Variants in KCNIP4 observed in about 807,000 individuals in gnomAD.
KCNIP4 encodes the protein Kv channel-interacting protein 4.
In KCNIP4, 12 loss-of-function variants were observed where a neutral mutation model predicts 34.0. The ratio of observed to expected loss-of-function variants is 0.35; its 90% confidence interval spans 0.23 to 0.57. KCNIP4 has a LOEUF of 0.57. KCNIP4 is among the 20% of genes least tolerant of loss of function. KCNIP4 has a pLI of 0.83. For synonymous variants in KCNIP4, 124 were observed against 102.2 expected (o/e 1.21, Z -1.29); for missense variants, 238 against 311.7 (o/e 0.76, Z 1.78).
intron 1 of KCNIP4, among the ~76,000 whole-genome samples, chr4:21,693,186 A>G (rs1711876466): frequency 2.6e-5 from 1 of 37,958 alleles, no homozygotes; most frequent in South Asian, 5.3e-4. Flanking sequence ...CAGGGAAGAA[A>G]AAAATGCTGG....
intron 1 of KCNIP4, among the ~76,000 whole-genome samples, chr4:21,683,779 C>T (rs1398534741): frequency 6.6e-6 from 1 of 152,056 alleles, no homozygotes; most frequent in South Asian, 2.1e-4. Flanking sequence ...AAGATCATGT[C>T]GTTTGTGGGA....
intron 1 of KCNIP4, among the ~76,000 whole-genome samples, chr4:21,939,027 A>G (rs1410352893): frequency 6.6e-6 from 1 of 152,190 alleles, no homozygotes; most frequent in Non-Finnish European, 1.5e-5. Flanking sequence ...TATAACTGTC[A>G]TTGAGATCTA....
intron 1 of KCNIP4, among the ~76,000 whole-genome samples, chr4:21,608,254 C>T (rs560120856): frequency 1.3e-5 from 2 of 152,268 alleles, no homozygotes; most frequent in African/African-American, 4.8e-5. Flanking sequence ...GTGGTCACTG[C>T]CACGTCTTTA....
At chr4:21,636,790 C>T (rs1292719866) in intron 1 of KCNIP4, among the ~76,000 whole-genome samples, 2 of 152,204 alleles carry the variant, frequency 1.3e-5, no homozygotes, top group African/African-American at 2.4e-5. Flanking sequence ...AACCATTCTA[C>T]ATGAGTCCAA....
intron 1 of KCNIP4, among the ~76,000 whole-genome samples, chr4:21,219,779 T>G (rs1041094581): frequency 1.7e-4 from 26 of 152,178 alleles, no homozygotes; most frequent in African/African-American, 5.8e-4. Flanking sequence ...ATATAAGCAC[T>G]AAGGGGAAAA....
intron 1 of KCNIP4, among the ~76,000 whole-genome samples, chr4:21,741,562 C>T (rs1464762891): frequency 6.6e-6 from 1 of 152,148 alleles, no homozygotes; most frequent in East Asian, 1.9e-4. Context: ...TTAAGCCTCA[C>T]CACTACTTGC....
At chr4:21,470,955 A>T (rs1327432962) in intron 1 of KCNIP4, among the ~76,000 whole-genome samples, 3 of 152,186 alleles carry the variant, frequency 2.0e-5, no homozygotes, top group Non-Finnish European at 4.4e-5. Flanking sequence ...GGGGGTCTCA[A>T]AATATGGCTC....
At chr4:21,182,772 G>A (rs141835079) in intron 1 of KCNIP4, among the ~76,000 whole-genome samples, 206 of 151,916 alleles carry the variant, frequency 1.4e-3, no homozygotes, top group African/African-American at 4.9e-3. Context: ...AGTATATATA[G>A]TATATATTTA....
At position 20,816,455 on chromosome 4, in the gene KCNIP4, T is replaced by C. The variant is rs1012737124; in HGVS notation, c.288+34088A>G. Among the ~76,000 whole-genome samples the C allele has an allele frequency of 4.6e-5, 7 of 152,208 alleles. No individual in the cohort carries two copies. In the South Asian group the frequency reaches 1.2e-3, roughly 27 times the overall value. On this transcript the variant is annotated intron_variant, in intron 3 of 8. Transcript: ENST00000382152. ...AAAGCAAGCTACGTAGGGCGCAGAC[T>C]GCGGGCAAGACAAAAGACCTCTCCA...
intron 1 of KCNIP4, among the ~76,000 whole-genome samples, chr4:20,998,186 G>A (rs1273642408): frequency 6.6e-6 from 1 of 152,190 alleles, no homozygotes; most frequent in Non-Finnish European, 1.5e-5. Flanking sequence ...CAGTGCCAGA[G>A]CAGGATTAGT....
intron 1 of KCNIP4, among the ~76,000 whole-genome samples, chr4:20,895,555 ACTTTC>A (rs1229863593): frequency 3.3e-5 from 5 of 152,314 alleles, no homozygotes; most frequent in African/African-American, 1.2e-4. Context: ...GTGAGACAGT[ACTTTC>A]CTTTCCTGAG....
At chr4:20,885,313 C>A (rs1462408989) in intron 1 of KCNIP4, among the ~76,000 whole-genome samples, 1 of 152,254 alleles carries the variant, frequency 6.6e-6, no homozygotes, top group Non-Finnish European at 1.5e-5. Flanking sequence ...ATTACTCCTG[C>A]AGATAACATC....
intron 1 of KCNIP4, among the ~76,000 whole-genome samples, chr4:21,471,359 G>A (rs1159188819): frequency 6.6e-6 from 1 of 152,096 alleles, no homozygotes; most frequent in African/African-American, 2.4e-5. Context: ...AATTCCCAGA[G>A]TCCTAATAAA....
chr4:21,373,765 G>T lies in KCNIP4; in HGVS notation c.62-491056C>A, dbSNP rs117846534. On this transcript the variant is annotated intron_variant, in intron 1 of 8. Coordinates refer to ENST00000382152, the MANE Select transcript of KCNIP4 (RefSeq NM_025221.6). The stretch of plus-strand genomic sequence containing the variant: ...TTGTTGCTCATGCTGGAGTGCAATG[G>T]CATGATTTCTGTTCACTGCAACCTC... 9.8e-3 allele frequency among the ~76,000 whole-genome samples: 1,435 copies of T among 147,036 alleles called. 68 individuals carry two copies. Among genetic ancestry groups the T allele is most frequent in the East Asian group, 0.053 (267 of 5,006 alleles).
At chr4:20,878,552 T>C (rs562473078) in intron 2 of KCNIP4, among the ~76,000 whole-genome samples, 1 of 152,300 alleles carries the variant, frequency 6.6e-6, no homozygotes, top group South Asian at 2.1e-4. Flanking sequence ...TCTTGTTTAT[T>C]CTCTCTCTTC....
intron 1 of KCNIP4, among the ~76,000 whole-genome samples, chr4:21,305,888 G>A (rs1271610632): frequency 5.3e-5 from 8 of 152,112 alleles, no homozygotes; most frequent in Non-Finnish European, 1.0e-4. Flanking sequence ...TGTTTTTACG[G>A]TACTTTTCCT....
chr4:21,469,607 G>T (rs1730289615), intron 1 of KCNIP4, among the ~76,000 whole-genome samples: 1 of 152,066 alleles, frequency 6.6e-6, no homozygotes, highest in Non-Finnish European at 1.5e-5. Context: ...GTCAAGTAGG[G>T]ATTTTTTTCA....
chr4:21,917,545 G>A (rs1271698080), intron 1 of KCNIP4, among the ~76,000 whole-genome samples: 1 of 152,162 alleles, frequency 6.6e-6, no homozygotes, highest in Non-Finnish European at 1.5e-5. Flanking sequence ...AAGGCTTAGA[G>A]AAGTTAAGGA....
At chr4:20,864,117 TC>T (rs1467390162) in intron 2 of KCNIP4, among the ~76,000 whole-genome samples, 3 of 123,128 alleles carry the variant, frequency 2.4e-5, no homozygotes, top group African/African-American at 7.7e-5. Flanking sequence ...TGTATACATA[TC>T]CATGTATACA....
Sources: gnomAD v4.1 joint callset for allele counts (sites outside exome capture counted in the v4.1 genomes callset) on GRCh38, gnomAD v4.1.1 for gene constraint, MANE v1.5 for transcripts, NCBI Gene and HGNC (gene_info 2026-07-23, HGNC 2026-07-21) for gene names.